Variants in STAU1 observed in about 807,000 individuals in gnomAD.
STAU1 encodes the protein double-stranded RNA-binding protein Staufen homolog 1.
In STAU1, 13 loss-of-function variants were observed where a neutral mutation model predicts 62.9. The observed-to-expected ratio is 0.21, with a 90% CI of 0.13 to 0.33. STAU1 has a LOEUF of 0.33. Ranked by LOEUF, STAU1 falls within the 10% of genes least tolerant of loss-of-function variation. The pLI, the probability that STAU1 is intolerant of heterozygous loss-of-function variation, is 1.00. For synonymous variants in STAU1, 269 were observed against 265.1 expected, an observed-to-expected ratio of 1.01 and a Z score of -0.14; for missense variants, 571 against 712.1, an observed-to-expected ratio of 0.80 and a Z score of 2.25.
intron 5 of STAU1, among the ~76,000 whole-genome samples, chr20:49,150,842 A>G (rs906629079): frequency 1.6e-4 from 24 of 152,082 alleles, no homozygotes; most frequent in Non-Finnish European, 2.9e-4. Flanking sequence ...GCAACCAGCC[A>G]CCATAACATG....
chr20:49,174,033 C>T (rs926966193), intron 2 of STAU1, among the ~76,000 whole-genome samples, 162 bp downstream of exon 2: 2 of 152,148 alleles, frequency 1.3e-5, no homozygotes, highest in Non-Finnish European at 2.9e-5. Context: ...TACTTACTTT[C>T]TAATTAAATC....
the STAU1 span, among the ~76,000 whole-genome samples, chr20:49,197,020 C>G: frequency 9.2e-5 from 14 of 151,556 alleles, no homozygotes; most frequent in Non-Finnish European, 2.9e-5. Context: ...CCAGGCGTGG[C>G]GGCATGCACC....
rs554192423 is a variant in STAU1 at position 49,178,889 on chromosome 20, C to T, written c.-159-4620G>A. The stretch of plus-strand genomic sequence containing the variant: ...GAGATCAAAATCATCCTGGCTAACA[C>T]GGTGAAACACCGTCTCCACTAAAAA... On this transcript the variant is annotated intron_variant, in intron 1 of 13. Coordinates refer to ENST00000371856, the MANE Select transcript of STAU1 (RefSeq NM_017453.4). Among the ~76,000 whole-genome samples the T allele has an allele frequency of 3.3e-3, 459 of 139,666 alleles. 1 individual carries two copies. Among genetic ancestry groups the T allele is most frequent in the Non-Finnish European group, 5.7e-3 (375 of 65,906 alleles). 91.6% of individuals were successfully genotyped at this position (139,666 alleles called of 152,430 possible).
chr20:49,183,719 T>C (rs77115162), intron 1 of STAU1, among the ~76,000 whole-genome samples: 2 of 152,104 alleles, frequency 1.3e-5, no homozygotes, highest in Non-Finnish European at 2.9e-5. Flanking sequence ...CCATGAGTCA[T>C]GGCCATTTCT....
chr20:49,124,654 C>G (rs369597038), intron 6 of STAU1, 67 bp from the exon 7 acceptor site: 3 of 1,533,642 alleles, frequency 2.0e-6, no homozygotes, highest in African/African-American at 2.7e-5. Flanking sequence ...GGCACACTGG[C>G]TGGCACACTT....
the STAU1 span, among the ~76,000 whole-genome samples, chr20:49,204,089 G>T: frequency 0.32 from 48,320 of 151,870 alleles, 9,075 homozygotes; most frequent in Middle Eastern, 0.48. Flanking sequence ...TACTGCAAAT[G>T]AAGGTTTTCT....
chr20:49,116,922 G>A (rs1400142974), intron 12 of STAU1, among the ~76,000 whole-genome samples: 3 of 152,142 alleles, frequency 2.0e-5, no homozygotes, highest in African/African-American at 7.2e-5. Flanking sequence ...TAAAGCTGAT[G>A]AGTTCTGATC....
chr20:49,122,992 T>C, intron 8 of STAU1, 100 bp downstream of exon 8: 1 of 1,302,538 alleles, frequency 7.7e-7, no homozygotes, highest in Middle Eastern at 2.9e-4. Context: ...GCCCACAGGA[T>C]CCAGCCTCCT....
the STAU1 span, among the ~76,000 whole-genome samples, chr20:49,200,461 C>T: frequency 5.9e-5 from 9 of 152,058 alleles, no homozygotes; most frequent in Admixed American, 2.6e-4. Flanking sequence ...TTTAGCTGGG[C>T]GTGGTGGCGG....
chr20:49,183,874 A>T (rs990684008), intron 1 of STAU1, among the ~76,000 whole-genome samples: 1 of 152,214 alleles, frequency 6.6e-6, no homozygotes, highest in Non-Finnish European at 1.5e-5. Flanking sequence ...CCAAACTTTT[A>T]AATAAAGACC....
At chr20:49,200,793 G>C in the STAU1 span, among the ~76,000 whole-genome samples, 4 of 151,816 alleles carry the variant, frequency 2.6e-5, no homozygotes, top group African/African-American at 9.6e-5. Context: ...GTGGCACTTT[G>C]GGAAGCCCAG....
intron 3 of STAU1, among the ~76,000 whole-genome samples, chr20:49,156,159 C>T (rs1392009358): frequency 6.6e-6 from 1 of 152,182 alleles, no homozygotes; most frequent in African/African-American, 2.4e-5. Flanking sequence ...AACAAAATTA[C>T]AATCAATATT....
Position 49,115,873 on chromosome 20 carries a change from G to A in STAU1, c.1633-6C>T, listed in dbSNP as rs778761216. On this transcript the variant is annotated splice_polypyrimidine_tract_variant and splice_region_variant and intron_variant, in intron 12 of 13. Coordinates refer to ENST00000371856, the MANE Select transcript of STAU1 (RefSeq NM_017453.4). Reference sequence around the variant, plus strand: ...TTTAAGATGTTCAGCGCAGCCTAGTGGGGATGGAAAGAAGGGTAAAGCCAC... The same window carrying A: ...TTTAAGATGTTCAGCGCAGCCTAGTAGGGATGGAAAGAAGGGTAAAGCCAC... The A allele has an allele frequency of 3.7e-6, 6 of 1,613,614 alleles. No homozygotes were observed. The highest frequency in any genetic ancestry group is 1.6e-4 in the Middle Eastern group (1 of 6,084).
At chr20:49,125,728 G>A (rs1236843284) in intron 6 of STAU1, among the ~76,000 whole-genome samples, 5 of 151,738 alleles carry the variant, frequency 3.3e-5, no homozygotes, top group Admixed American at 1.3e-4. Context: ...GGCGCCTGTA[G>A]TCCCAGCTAC....
chr20:49,217,392 G>T, the STAU1 span, among the ~76,000 whole-genome samples: 1 of 151,094 alleles, frequency 6.6e-6, no homozygotes, highest in Non-Finnish European at 1.5e-5. Context: ...AGAAGGGTTA[G>T]TTTGAAGCTG....
At chr20:49,201,656 C>T in the STAU1 span, among the ~76,000 whole-genome samples, 3 of 149,350 alleles carry the variant, frequency 2.0e-5, no homozygotes, top group South Asian at 2.2e-4. Flanking sequence ...GCAGTAGAAT[C>T]GCTTGAATCC....
At chr20:49,215,297 G>T in the STAU1 span, among the ~76,000 whole-genome samples, 2 of 152,122 alleles carry the variant, frequency 1.3e-5, no homozygotes, top group Non-Finnish European at 2.9e-5. Flanking sequence ...CATGCCTCAG[G>T]CCCCTCTTGT....
At chr20:49,201,071 A>AAAAAAAGAAGAAG in the STAU1 span, among the ~76,000 whole-genome samples, 1 of 104,646 alleles carries the variant, frequency 9.6e-6, no homozygotes, top group Non-Finnish European at 2.0e-5. Flanking sequence ...AAAAAAAAAA[A>AAAAAAAGAAGAAG]AAGAAGAAGA....
At chr20:49,208,595 A>G in the STAU1 span, among the ~76,000 whole-genome samples, 5 of 151,734 alleles carry the variant, frequency 3.3e-5, no homozygotes, top group Admixed American at 2.0e-4. Flanking sequence ...GTTCAAAACC[A>G]ACCTGAGCAA....
Sources: gnomAD v4.1 joint callset for allele counts (sites outside exome capture counted in the v4.1 genomes callset) on GRCh38, gnomAD v4.1.1 for gene constraint, MANE v1.5 for transcripts, NCBI Gene and HGNC (gene_info 2026-07-23, HGNC 2026-07-21) for gene names.